The following ANKRD18A variants were observed in gnomAD, a reference collection of about 807,000 sequenced individuals.
ANKRD18A encodes the protein ankyrin repeat domain-containing protein 18A.
A neutral mutation model predicts 110.6 loss-of-function variants in ANKRD18A; 72 were observed. The observed-to-expected ratio is 0.65, with a 90% CI of 0.54 to 0.79. The LOEUF (loss-of-function observed/expected upper bound fraction) is 0.79, where lower values mean the gene tolerates loss of function less well. Among genes scored for constraint, ANKRD18A ranks in the 30% least tolerant of loss-of-function variants. ANKRD18A has a pLI of 0.00. For missense variants in ANKRD18A, 934 were observed against 1,163.3 expected (o/e 0.80, Z 2.87); for synonymous variants, 305 against 410.3 (o/e 0.74, Z 3.10).
rs1160636660 is a variant in ANKRD18A at position 38,620,142 on chromosome 9, C to T, written c.144G>A (p.Ala48=). Residue 48 remains alanine, a synonymous_variant, in exon 1 of 16, where the codon GCG becomes GCA. Coordinates refer to ENST00000399703, the MANE Select transcript of ANKRD18A (RefSeq NM_147195.4). ...IHRAAIKGDA[A]EVERCLTRRF... Reference sequence around the variant, plus strand: ...TGCGCGTCAGGCAGCGCTCCACCTCCGCGGCGTCGCCCTTGATGGCAGCCC... The same window carrying T: ...TGCGCGTCAGGCAGCGCTCCACCTCTGCGGCGTCGCCCTTGATGGCAGCCC... The T allele has an allele frequency of 2.5e-6, 4 of 1,569,764 alleles. No individual in the cohort carries two copies. The South Asian group carries it at 3.5e-5, about 14-fold the overall frequency.
chr9:38,575,919 A>T (rs1823874338), intron 14 of ANKRD18A, among the ~76,000 whole-genome samples: 1 of 152,228 alleles, frequency 6.6e-6, no homozygotes, highest in Admixed American at 6.5e-5. Context: ...CTACTGAACA[A>T]GCAGTTCAAA....
In ANKRD18A at chr9:38,595,541, T is replaced by C. The variant is rs758382312; in HGVS notation, c.1799A>G (p.Tyr600Cys). 10 of 1,527,992 alleles carry C rather than the reference T, an allele frequency of 6.5e-6. No homozygotes were observed. Among genetic ancestry groups the C allele is most frequent in the African/African-American group, 4.2e-5 (3 of 71,728 alleles). 94.7% of individuals were successfully genotyped at this position (1,527,992 alleles called of 1,614,324 possible). Reference sequence around the variant, plus strand: ...AAGCAGTTTTTCTTTTAAATAATTATATTCTTTCATTAATTCCTTATTTCT... The same window carrying C: ...AAGCAGTTTTTCTTTTAAATAATTACATTCTTTCATTAATTCCTTATTTCT... ...EERNKELMKE[Y>C]NYLKEKLLQC... Residue 600 changes from tyrosine to cysteine, a missense_variant, in exon 9 of 16, where the codon TAT becomes TGT. Physicochemically the swap from Tyr to Cys is radical, Grantham distance 194. Around this residue, in one of 4 missense-constraint regions of ANKRD18A, gnomAD observed 630 missense variants for 797.5 expected, o/e 0.79. Coordinates refer to ENST00000399703, the MANE Select transcript of ANKRD18A (RefSeq NM_147195.4).
Position 38,610,314 on chromosome 9 carries a change from G to T in ANKRD18A, c.699C>A (p.Gly233=). The change falls in exon 5 of 16, where the codon GGC becomes GGA. Residue 233 remains glycine (G), a synonymous_variant. Coordinates refer to ENST00000399703, the MANE Select transcript of ANKRD18A (RefSeq NM_147195.4). ...AAAGAGCATAATCCTCGGCAGTTTG[G>T]CCAAACATGTCTTGAGAAGAGATAC... ...NIRISSQDMF[G]QTAEDYALCS... The T allele has an allele frequency of 1.3e-6, 2 of 1,550,494 alleles. No individual in the cohort carries two copies. Among genetic ancestry groups the T allele is most frequent in the Non-Finnish European group, 8.7e-7 (1 of 1,146,612 alleles).
At chr9:38,579,320 C>T (rs1323589135) in intron 12 of ANKRD18A, among the ~76,000 whole-genome samples, 1 of 152,114 alleles carries the variant, frequency 6.6e-6, no homozygotes, top group Non-Finnish European at 1.5e-5. Flanking sequence ...GCATAGGCAA[C>T]AAACAAATGA....
rs1823646157 is a variant in ANKRD18A, at chr9:38,571,627, T to G, written c.*418A>C. 5.9e-6 allele frequency: 6 copies of G among 1,013,244 alleles called. No homozygotes were observed. Among genetic ancestry groups the G allele is most frequent in the Non-Finnish European group, 7.1e-6 (6 of 849,268 alleles). The allele number at this position is 1,013,244 out of a possible 1,614,324, so 62.8% of individuals were successfully genotyped here. Reference sequence around the variant, plus strand: ...TACTCTTTAAGTCTCCTACTACATATGGTAATAAAAACTGTAAAATGCAAA... The same window carrying G: ...TACTCTTTAAGTCTCCTACTACATAGGGTAATAAAAACTGTAAAATGCAAA... On this transcript the variant is annotated 3_prime_UTR_variant, in exon 16 of 16. Transcript: ENST00000399703.
At chr9:38,579,656 C>T (rs1824064151) in intron 12 of ANKRD18A, among the ~76,000 whole-genome samples, 1 of 152,132 alleles carries the variant, frequency 6.6e-6, no homozygotes, top group African/African-American at 2.4e-5. Flanking sequence ...CAATAAATGG[C>T]TATCACAGAA....
chr9:38,611,925 G>A (rs1825637338), intron 3 of ANKRD18A, among the ~76,000 whole-genome samples: 1 of 152,086 alleles, frequency 6.6e-6, no homozygotes, highest in African/African-American at 2.4e-5. Flanking sequence ...GCTTTTTGTG[G>A]CAAACATTAA....
intron 4 of ANKRD18A, 33 bp from the exon 5 acceptor site, chr9:38,610,443 A>T: frequency 6.6e-7 from 1 of 1,521,336 alleles, no homozygotes; most frequent in Non-Finnish European, 8.8e-7. Flanking sequence ...GCACTCAAGA[A>T]CTTTGATGAA....
At chr9:38,597,575 T>C (rs1287783852) in intron 8 of ANKRD18A, among the ~76,000 whole-genome samples, 1 of 152,148 alleles carries the variant, frequency 6.6e-6, no homozygotes, top group Admixed American at 6.6e-5. Context: ...TTGCCTAGCA[T>C]TTCGTGGCAC....
chr9:38,586,715 G>T (rs531620507), intron 11 of ANKRD18A, among the ~76,000 whole-genome samples: 8 of 152,046 alleles, frequency 5.3e-5, no homozygotes, highest in Non-Finnish European at 1.2e-4. Flanking sequence ...ACGGGCATGT[G>T]CCACCATGCC....
rs191853339 is a variant in ANKRD18A, at chr9:38,582,464, T to A, written c.2247+3719A>T. 7.8e-3 allele frequency among the ~76,000 whole-genome samples: 1,181 copies of A among 152,256 alleles called. 14 individuals are homozygous for A. Among genetic ancestry groups the A allele is most frequent in the South Asian group, 0.041 (199 of 4,820 alleles). On this transcript the variant is annotated intron_variant, in intron 12 of 15. Coordinates refer to ENST00000399703, the MANE Select transcript of ANKRD18A (RefSeq NM_147195.4). ...TAATATGCAACATGATTGAAAAAAT[T>A]TTCTCAGTAAATTCAATTTGGTCCT...
chr9:38,576,696 A>G (rs1047763740), intron 14 of ANKRD18A, among the ~76,000 whole-genome samples: 1 of 152,134 alleles, frequency 6.6e-6, no homozygotes, highest in African/African-American at 2.4e-5. Context: ...AATAAATTAA[A>G]CTCACTAATA....
chr9:38,578,289 T>G, intron 12 of ANKRD18A, 141 bp from the exon 13 acceptor site: 1 of 790,652 alleles, frequency 1.3e-6, no homozygotes. Flanking sequence ...TGTGAACCCT[T>G]AAATTACTCA....
Position 38,611,353 on chromosome 9 carries a change from C to A in ANKRD18A, c.496-32G>T. The A allele has an allele frequency of 2.0e-6, 3 of 1,503,728 alleles. No homozygotes were observed. The South Asian group carries it at 4.0e-5, about 20-fold the overall frequency. 93.1% of individuals were successfully genotyped at this position (1,503,728 alleles called of 1,614,324 possible). ...GAAAGCAAAAACAATTTATAATTCA[C>A]AAAATTACATATTTCTCCACTGAAC... is the stretch of plus-strand genomic sequence containing the variant. On this transcript the variant is annotated intron_variant, in intron 3 of 15. Coordinates refer to ENST00000399703, the MANE Select transcript of ANKRD18A (RefSeq NM_147195.4).
rs143321974 is a variant in ANKRD18A, at chr9:38,617,699, T to C, written c.207-1655A>G. Among the ~76,000 whole-genome samples the C allele has an allele frequency of 1.3e-3, 191 of 152,318 alleles. 2 individuals carry two copies. Among genetic ancestry groups the C allele is most frequent in the African/African-American group, 4.3e-3 (178 of 41,560 alleles). ...AGGAAAAGCTTCAGTGAGATTAAGT[T>C]CTACTATTCCTATTTTAAATCTCTC... On this transcript the variant is annotated intron_variant, in intron 1 of 15. Transcript: ENST00000399703.
At chr9:38,569,289 C>T (rs188862285), downstream of ANKRD18A, 1 of 955,384 alleles carries the variant, frequency 1.0e-6, no homozygotes, top group African/African-American at 1.8e-5. Flanking sequence ...AGAACAGGCA[C>T]CTGGTGAGTG....
chr9:38,573,840 A>T (rs958844377), intron 15 of ANKRD18A, among the ~76,000 whole-genome samples: 5 of 151,926 alleles, frequency 3.3e-5, no homozygotes. Context: ...ACTTAAATAA[A>T]TTTTTTCTTA....
chr9:38,608,964 C>T (rs1825480735), intron 5 of ANKRD18A, among the ~76,000 whole-genome samples: 1 of 151,940 alleles, frequency 6.6e-6, no homozygotes, highest in Non-Finnish European at 1.5e-5. Flanking sequence ...GAGTACAATC[C>T]CAACTAATAT....
At chr9:38,590,382 C>A (rs924473366) in intron 10 of ANKRD18A, among the ~76,000 whole-genome samples, 1 of 152,000 alleles carries the variant, frequency 6.6e-6, no homozygotes, top group African/African-American at 2.4e-5. Flanking sequence ...CTCAGCCTCC[C>A]AAGTAGCTGG....
Sources: allele counts gnomAD v4.1 joint callset (sites outside exome capture counted in the v4.1 genomes callset), GRCh38; gene constraint gnomAD v4.1.1; regional missense constraint gnomAD v4.1.1; transcripts MANE v1.5; gene names NCBI Gene and HGNC (gene_info 2026-07-23, HGNC 2026-07-21).